CHCHD5: variants seen among roughly 807,000 people sequenced by gnomAD.
The protein encoded by CHCHD5 is coiled-coil-helix-coiled-coil-helix domain-containing protein 5.
CHCHD5 carries 10 observed loss-of-function variants against 16.0 expected under a neutral mutation model. The ratio of observed to expected loss-of-function variants is 0.63; its 90% CI spans 0.39 to 1.06. The LOEUF (loss-of-function observed/expected upper bound fraction) is 1.06, where lower values mean the gene tolerates loss of function less well. CHCHD5 is among the 50% of genes least tolerant of loss of function. CHCHD5 has a pLI of 0.01. For synonymous variants in CHCHD5, 55 were observed against 56.3 expected (o/e 0.98, Z 0.10); for missense variants, 163 against 153.4 (o/e 1.06, Z -0.33).
At chr2:112,586,865 TC>T (rs1242960322) in intron 3 of CHCHD5, 1 of 369,160 alleles carries the variant, frequency 2.7e-6, no homozygotes, top group African/African-American at 2.0e-5. Flanking sequence ...CAAAAAAAGG[TC>T]ACTCTTTTAA....
intron 3 of CHCHD5, 156 bp downstream of exon 3, chr2:112,586,521 T>C: frequency 6.5e-7 from 1 of 1,549,962 alleles, no homozygotes; most frequent in Non-Finnish European, 8.7e-7. Context: ...TCATCACTTC[T>C]TGCCCCATAT....
chr2:112,585,678 C>T lies in CHCHD5; in HGVS notation c.3-296C>T, dbSNP rs899516351. ...CTTTGGGAGGTCTAAGCAGGGGGAT[C>T]GCTTGAGCCCAGGGGTTCAATACCA... On this transcript the variant is annotated intron_variant, in intron 1 of 3. Transcript: ENST00000324913. 1.4e-4 allele frequency among the ~76,000 whole-genome samples: 21 copies of T among 152,140 alleles called. 1 individual carries two copies. Among genetic ancestry groups the T allele is most frequent in the Non-Finnish European group, 2.6e-4 (18 of 68,024 alleles).
chr2:112,586,416 A>G (rs781066282), intron 3 of CHCHD5, 51 bp downstream of exon 3: 13 of 1,612,794 alleles, frequency 8.1e-6, no homozygotes, highest in Middle Eastern at 1.6e-4. Flanking sequence ...CATCCCCTTC[A>G]TCCTTCTGGT....
At chr2:112,584,846 C>G (rs983635460) in intron 1 of CHCHD5, 197 bp downstream of exon 1, 1 of 621,270 alleles carries the variant, frequency 1.6e-6, no homozygotes, top group Non-Finnish European at 2.9e-6. Context: ...GCGTTTAGGC[C>G]TCGCCCCCTC....
Position 112,586,021 on chromosome 2 carries a change from A to C in CHCHD5, c.50A>C (p.Glu17Ala), listed in dbSNP as rs746315531. The C allele has an allele frequency of 6.2e-7, 1 of 1,614,198 alleles. No homozygotes were observed. The highest frequency in any genetic ancestry group is 8.5e-7 in the Non-Finnish European group (1 of 1,180,036). ...VTARYCGREL[E>A]QYGQCVAAKP... The stretch of plus-strand genomic sequence containing the variant: ...GCTCGCTACTGTGGCCGGGAGCTGG[A>C]GCAGTATGGCCAGTGTGTGGCGGCC... Residue 17 changes from glutamate to alanine, a missense_variant, in exon 2 of 4, where the codon GAG (glutamate) becomes GCG (alanine). Glu to Ala is a moderately radical substitution (Grantham distance 107, BLOSUM62 -1). Transcript: ENST00000324913.
In CHCHD5 at chr2:112,586,058, C is replaced by G; in HGVS notation, c.87C>G (p.Ser29=). The G allele has an allele frequency of 6.2e-7, 1 of 1,614,224 alleles. No individual in the cohort carries two copies. The highest frequency in any genetic ancestry group is 8.5e-7 in the Non-Finnish European group (1 of 1,180,032). ...AGTGTGTGGCGGCCAAGCCGGAATC[C>G]TGGCAGCGGGACTGTCACTACCTTA... ...YGQCVAAKPE[S]WQRDCHYLKM... The change falls in exon 2 of 4, where the codon TCC becomes TCG. Residue 29 remains serine (S), a synonymous_variant. Transcript: ENST00000324913.
rs762637880 is a variant in CHCHD5, at chr2:112,589,016, A to G, written c.*127A>G. On this transcript the variant is annotated 3_prime_UTR_variant, in exon 4 of 4. Coordinates refer to ENST00000324913, the MANE Select transcript of CHCHD5 (RefSeq NM_032309.4). ...GCTTTCCTGGATATCAGGACTTCCA[A>G]TAAATAAAGACTCTGTATACTGGGC... 2.5e-5 allele frequency: 17 copies of G among 693,774 alleles called. No homozygotes were observed. The highest frequency in any genetic ancestry group is 4.4e-5 in the Non-Finnish European group (17 of 389,160). 43.0% of individuals were successfully genotyped at this position (693,774 alleles called of 1,614,324 possible). A position where few individuals can be genotyped will look rare whatever the true frequency, so the allele number is the denominator to read the frequency against.
Position 112,589,014 on chromosome 2 carries a change from C to A in CHCHD5, c.*125C>A. On this transcript the variant is annotated 3_prime_UTR_variant, in exon 4 of 4. Coordinates refer to ENST00000324913, the MANE Select transcript of CHCHD5 (RefSeq NM_032309.4). ...CGGCTTTCCTGGATATCAGGACTTC[C>A]AATAAATAAAGACTCTGTATACTGG... The A allele has an allele frequency of 1.4e-6, 1 of 702,684 alleles. No homozygotes were observed. The highest frequency in any genetic ancestry group is 2.5e-6 in the Non-Finnish European group (1 of 395,598). 43.5% of individuals were successfully genotyped at this position (702,684 alleles called of 1,614,324 possible). A position where few individuals can be genotyped will look rare whatever the true frequency, so the allele number is the denominator to read the frequency against.
At chr2:112,586,442 C>T (rs1331072002) in intron 3 of CHCHD5, 77 bp downstream of exon 3, 5 of 1,599,702 alleles carry the variant, frequency 3.1e-6, no homozygotes, top group Non-Finnish European at 4.3e-6. Context: ...AGGGTAAAGA[C>T]TTTGGAGTCA....
rs778134579 is a variant in CHCHD5 at position 112,584,681 on chromosome 2, C to G, written c.2+32C>G. ...AGTGAGAGCGCCTACCCCATACGTG[C>G]TGCCGCTCCCCTTCTTTTACCCAGT... On this transcript the variant is annotated intron_variant, in intron 1 of 3. Transcript: ENST00000324913. 1.5e-5 allele frequency: 25 copies of G among 1,613,384 alleles called. No individual in the cohort carries two copies. In the African/African-American group the frequency reaches 2.1e-4, roughly 14 times the overall value.
In CHCHD5 at chr2:112,585,996, G is replaced by T. The variant is rs752726453; in HGVS notation, c.25G>T (p.Ala9Ser). The T allele has an allele frequency of 3.7e-6, 6 of 1,614,086 alleles. No homozygotes were observed. Among genetic ancestry groups the T allele is most frequent in the African/African-American group, 2.7e-5 (2 of 74,948 alleles). The change falls in exon 2 of 4, where the codon GCT becomes TCT. Residue 9 changes from alanine (A) to serine (S), a missense_variant. By Grantham distance (99) the Ala-to-Ser change is moderately conservative. Coordinates refer to ENST00000324913, the MANE Select transcript of CHCHD5 (RefSeq NM_032309.4). The stretch of plus-strand genomic sequence containing the variant: ...CAGGCAGGCGGCCCTAGAGGTCACC[G>T]CTCGCTACTGTGGCCGGGAGCTGGA... MQAALEVT[A>S]RYCGRELEQY...
intron 1 of CHCHD5, chr2:112,584,882 G>A (rs945936798): frequency 5.1e-6 from 3 of 586,650 alleles, no homozygotes; most frequent in Admixed American, 3.0e-5. Context: ...CTTCGGTCCA[G>A]TCACTCTTCA....
Position 112,586,310 on chromosome 2 carries a change from G to A in CHCHD5, c.254G>A (p.Arg85His), listed in dbSNP as rs147407793. ...AVGNCAEHMR[R>H]FLQCAEQVQP... ...GGCAACTGTGCAGAGCATATGCGCCGCTTCCTGCAGTGCGCTGAGCAGGTG... is the reference window on the plus strand; with the variant it reads ...GGCAACTGTGCAGAGCATATGCGCCACTTCCTGCAGTGCGCTGAGCAGGTG... Residue 85 changes from arginine to histidine, a missense_variant, in exon 3 of 4, where the codon CGC (arginine) becomes CAC (histidine). Transcript: ENST00000324913. The A allele has an allele frequency of 6.4e-5, 103 of 1,614,264 alleles. 1 individual carries two copies. The highest frequency in any genetic ancestry group is 5.6e-4 in the South Asian group (51 of 91,090).
chr2:112,586,732 C>T, intron 3 of CHCHD5: 1 of 848,450 alleles, frequency 1.2e-6, no homozygotes, highest in Non-Finnish European at 1.8e-6. Flanking sequence ...AACAAAAGTC[C>T]AGGTCCTTGC....
At chr2:112,584,752 T>C (rs1162094525) in intron 1 of CHCHD5, 103 bp downstream of exon 1, 3 of 1,390,228 alleles carry the variant, frequency 2.2e-6, no homozygotes, top group South Asian at 1.2e-5. Context: ...CCAGCCTCCC[T>C]CCTTCTTGGA....
chr2:112,585,142 C>T (rs1193373257), intron 1 of CHCHD5, among the ~76,000 whole-genome samples: 1 of 152,200 alleles, frequency 6.6e-6, no homozygotes, highest in Non-Finnish European at 1.5e-5. Flanking sequence ...CCAACCTCAT[C>T]CAGGGCTTCC....
intron 3 of CHCHD5, chr2:112,586,637 C>A: frequency 1.4e-6 from 2 of 1,459,900 alleles, no homozygotes; most frequent in Non-Finnish European, 1.8e-6. Context: ...CTCCATAAAG[C>A]GGCCTGGGTG....
At chr2:112,584,730 C>T in intron 1 of CHCHD5, 81 bp downstream of exon 1, 2 of 1,537,104 alleles carry the variant, frequency 1.3e-6, no homozygotes, top group South Asian at 1.1e-5. Flanking sequence ...TCTAGGACCT[C>T]GGGAACTAGG....
chr2:112,586,959 A>T (rs1160251237), intron 3 of CHCHD5: 3 of 174,626 alleles, frequency 1.7e-5, no homozygotes, highest in East Asian at 1.5e-4. Context: ...AAAAGTCTAA[A>T]ATGACTCCTT....
Sources: gnomAD v4.1 joint callset for allele counts (sites outside exome capture counted in the v4.1 genomes callset) on GRCh38, gnomAD v4.1.1 for gene constraint, MANE v1.5 for transcripts, NCBI Gene and HGNC (gene_info 2026-07-23, HGNC 2026-07-21) for gene names.